ZNF423: variants seen among roughly 807,000 people sequenced by gnomAD.
ZNF423 encodes the protein Ebf-associated zinc finger protein.
Under a neutral mutation model 95.8 loss-of-function variants are expected in ZNF423, and 12 were observed. The ratio of observed to expected loss-of-function variants is 0.13; its 90% CI spans 0.08 to 0.20. The LOEUF is 0.20. Ranked by LOEUF, ZNF423 falls within the 10% of genes least tolerant of loss-of-function variation. The pLI is 1.00. For missense variants in ZNF423, 1,316 were observed against 1,737.1 expected, an observed-to-expected ratio of 0.76 and a Z score of 4.31; for synonymous variants, 749 against 711.9, an observed-to-expected ratio of 1.05 and a Z score of -0.83.
chr16:49,640,163 C>G (rs534878830), intron 3 of ZNF423, among the ~76,000 whole-genome samples: 5 of 152,180 alleles, frequency 3.3e-5, no homozygotes, highest in East Asian at 1.9e-4. Flanking sequence ...TTCAGAAGAG[C>G]CTCACAGACG....
At chr16:49,834,745 G>T (rs995508454) in intron 1 of ZNF423, among the ~76,000 whole-genome samples, 1 of 152,136 alleles carries the variant, frequency 6.6e-6, no homozygotes, top group Non-Finnish European at 1.5e-5. Flanking sequence ...CTGGGGCCGG[G>T]CCGGCTCAGC....
At chr16:49,525,957 C>T (rs1968586897) in intron 5 of ZNF423, among the ~76,000 whole-genome samples, 1 of 152,204 alleles carries the variant, frequency 6.6e-6, no homozygotes, top group African/African-American at 2.4e-5. Context: ...TGTCTCTGCC[C>T]CCACTCTGGT....
chr16:49,676,264 A>C (rs193238728), intron 3 of ZNF423, among the ~76,000 whole-genome samples: 1 of 152,328 alleles, frequency 6.6e-6, no homozygotes, highest in Admixed American at 6.5e-5. Flanking sequence ...CGAGGCACTA[A>C]CTGAGATACA....
intron 5 of ZNF423, among the ~76,000 whole-genome samples, chr16:49,616,568 T>G (rs1971882492): frequency 6.6e-6 from 1 of 152,156 alleles, no homozygotes; most frequent in Non-Finnish European, 1.5e-5. Flanking sequence ...ATTGCATGCC[T>G]GTATCGAAAG....
At chr16:49,778,650 C>T (rs536730925) in intron 2 of ZNF423, among the ~76,000 whole-genome samples, 9 of 152,252 alleles carry the variant, frequency 5.9e-5, no homozygotes, top group African/African-American at 2.2e-4. Flanking sequence ...GAAGGTGAAG[C>T]GGATTGCCCC....
At chr16:49,499,865 C>T (rs962995688) in intron 7 of ZNF423, among the ~76,000 whole-genome samples, 5 of 152,112 alleles carry the variant, frequency 3.3e-5, no homozygotes, top group East Asian at 1.9e-4. Context: ...AGGAGGGAAC[C>T]GAAGCCTTCT....
At chr16:49,506,428 T>A (rs533362866) in intron 7 of ZNF423, among the ~76,000 whole-genome samples, 39 of 150,952 alleles carry the variant, frequency 2.6e-4, no homozygotes, top group Admixed American at 2.0e-3. Flanking sequence ...GATAGGTGGG[T>A]AGGTGGAGGA....
At chr16:49,608,253 A>G (rs1441231017) in intron 5 of ZNF423, among the ~76,000 whole-genome samples, 1 of 152,206 alleles carries the variant, frequency 6.6e-6, no homozygotes, top group Non-Finnish European at 1.5e-5. Context: ...GTTAGTATCA[A>G]CGTTTACTGC....
At chr16:49,746,564 G>A (rs1423579500) in intron 2 of ZNF423, among the ~76,000 whole-genome samples, 1 of 151,974 alleles carries the variant, frequency 6.6e-6, no homozygotes, top group African/African-American at 2.4e-5. Flanking sequence ...TGCAACCTCC[G>A]CCTCCTGAGT....
intron 3 of ZNF423, among the ~76,000 whole-genome samples, chr16:49,728,255 G>C (rs1036828166): frequency 1.3e-5 from 2 of 152,144 alleles, no homozygotes; most frequent in African/African-American, 4.8e-5. Context: ...GTAATCCTAA[G>C]AACCGAAGAC....
intron 2 of ZNF423, among the ~76,000 whole-genome samples, chr16:49,752,014 A>G (rs2033641451): frequency 6.6e-6 from 1 of 152,158 alleles, no homozygotes; most frequent in Non-Finnish European, 1.5e-5. Flanking sequence ...GCAGAGCAGC[A>G]GCTCATCTCA....
chr16:49,490,698 C>T lies in ZNF423; in HGVS notation c.*577G>A, dbSNP rs369196502. 3 of 154,496 alleles carry T rather than the reference C, an allele frequency of 1.9e-5. No homozygotes were observed. Among genetic ancestry groups the T allele is most frequent in the Non-Finnish European group, 4.3e-5 (3 of 69,296 alleles). 9.6% of individuals were successfully genotyped at this position (154,496 alleles called of 1,614,324 possible). A position where few individuals can be genotyped will look rare whatever the true frequency, so the allele number is the denominator to read the frequency against. On this transcript the variant is annotated 3_prime_UTR_variant, in exon 8 of 8. Coordinates refer to ENST00000563137, the MANE Select transcript of ZNF423 (RefSeq NM_001379286.1). The stretch of plus-strand genomic sequence containing the variant: ...GCAGACCATCCAGTTGCACTGAAAC[C>T]GATTATATTCATTACATAGTTTTAA...
Position 49,636,050 on chromosome 16 carries a change from C to T in ZNF423, c.3126G>A (p.Glu1042=), listed in dbSNP as rs1482560981. ...TGTGGAAGGTGCCATGGATCTTGAG[C>T]TCAAGCGTGGAAGTGACTGTCTGCA... ...VCMQTVTSTL[E]LKIHGTFHMQ... The change falls in exon 4 of 8, where the codon GAG becomes GAA. Residue 1042 remains glutamate (E), a synonymous_variant. Coordinates refer to ENST00000563137, the MANE Select transcript of ZNF423 (RefSeq NM_001379286.1). This position sits in a 1 kb window ranked among gnomAD's most constrained non-coding sequence, Gnocchi z 8.6. The T allele has an allele frequency of 9.3e-6, 15 of 1,613,240 alleles. No homozygotes were observed. Among genetic ancestry groups the T allele is most frequent in the Non-Finnish European group, 1.3e-5 (15 of 1,179,448 alleles).
At chr16:49,670,991 T>A (rs2030782382) in intron 3 of ZNF423, among the ~76,000 whole-genome samples, 1 of 152,188 alleles carries the variant, frequency 6.6e-6, no homozygotes, top group Non-Finnish European at 1.5e-5. Flanking sequence ...GAAGGAGATG[T>A]CTTATTGGGG....
intron 7 of ZNF423, chr16:49,518,585 CAA>C (rs559016569): frequency 0.013 from 4,785 of 360,638 alleles, no homozygotes; most frequent in South Asian, 0.021. Flanking sequence ...TGTTCCATTG[CAA>C]AAAAAAAAAA....
chr16:49,729,724 C>G (rs1421862621), intron 3 of ZNF423, among the ~76,000 whole-genome samples: 2 of 151,380 alleles, frequency 1.3e-5, no homozygotes, highest in Non-Finnish European at 2.9e-5. Flanking sequence ...AGAATGGGAA[C>G]TTGGTCTAGC....
At position 49,855,883 on chromosome 16, in the gene ZNF423, CT is replaced by C. The variant is rs1290955745; in HGVS notation, c.-110del. 3.8e-4 allele frequency: 56 copies of C among 147,762 alleles called. No individual in the cohort carries two copies. Among genetic ancestry groups the C allele is most frequent in the Admixed American group, 4.0e-4 (6 of 14,866 alleles). 9.2% of individuals were successfully genotyped at this position (147,762 alleles called of 1,614,324 possible). On this transcript the variant is annotated 5_prime_UTR_variant, in exon 1 of 8. Transcript: ENST00000563137. The surrounding 1 kb of genome is among the most constrained non-coding windows in gnomAD (Gnocchi z 4.7). ...TTCTCCTCCGCCTGTCTCTTGGAAA[CT>C]TTTTTTTTTGCAGCCCGGTTGGCGG...
chr16:49,574,832 G>C (rs1970448731), intron 5 of ZNF423, among the ~76,000 whole-genome samples: 1 of 152,220 alleles, frequency 6.6e-6, no homozygotes. Flanking sequence ...CCTCAGAACA[G>C]CTGTGGGCTT....
At chr16:49,718,550 A>G (rs965057755) in intron 3 of ZNF423, among the ~76,000 whole-genome samples, 1 of 152,218 alleles carries the variant, frequency 6.6e-6, no homozygotes, top group African/African-American at 2.4e-5. Context: ...GAGAGCATCA[A>G]CACTTTTCAG....
Sources: allele counts gnomAD v4.1 joint callset (sites outside exome capture counted in the v4.1 genomes callset), GRCh38; gene constraint gnomAD v4.1.1; non-coding constraint Gnocchi (gnomAD v3.1); transcripts MANE v1.5; gene names NCBI Gene and HGNC (gene_info 2026-07-23, HGNC 2026-07-21).